Variants in ZNF131 observed in about 807,000 individuals in gnomAD.
The protein encoded by ZNF131 is zinc finger and BTB domain containing 35.
Under a neutral mutation model 60.0 loss-of-function variants are expected in ZNF131, and 7 were observed. The ratio of observed to expected loss-of-function variants is 0.12; its 90% CI spans 0.07 to 0.22. ZNF131 has a LOEUF of 0.22. Ranked by LOEUF, ZNF131 falls within the 10% of genes least tolerant of loss-of-function variation. The probability of loss-of-function intolerance (pLI) is 1.00; values close to 1 mark genes in which losing one functional copy is unlikely to be tolerated. For missense variants in ZNF131, 493 were observed against 740.9 expected (o/e 0.67, Z 3.88); for synonymous variants, 257 against 253.2 (o/e 1.01, Z -0.14).
rs575456904 is a variant in ZNF131 at position 43,170,751 on chromosome 5, G to C, written c.1055-2567G>C. ...AGGTTCAAGTGATTCTCCTGCCTCA[G>C]CCTCCCAAGTAGCTGGGACTACAGG... On this transcript the variant is annotated intron_variant, in intron 5 of 6. Coordinates refer to ENST00000682664, the MANE Select transcript of ZNF131 (RefSeq NM_001330707.2). Among the ~76,000 whole-genome samples, 18 of 149,650 alleles carry C rather than the reference G, an allele frequency of 1.2e-4. No individual in the cohort carries two copies. The South Asian group carries it at 2.1e-3, about 18-fold the overall frequency.
rs2112159027 is a variant in ZNF131, at chr5:43,175,963, A to C, written c.*830A>C. The C allele has an allele frequency of 6.6e-6, 1 of 152,448 alleles. No homozygotes were observed. The highest frequency in any genetic ancestry group is 1.9e-4 in the East Asian group (1 of 5,202). 9.4% of individuals were successfully genotyped at this position (152,448 alleles called of 1,614,324 possible). On this transcript the variant is annotated 3_prime_UTR_variant, in exon 7 of 7. Coordinates refer to ENST00000682664, the MANE Select transcript of ZNF131 (RefSeq NM_001330707.2). ...GAAAATTTATTTACATCTGTGGTAA[A>C]CTTTATTTTGATGAAAAGTTGCACT...
At chr5:43,171,428 T>C (rs1162254288) in intron 5 of ZNF131, among the ~76,000 whole-genome samples, 2 of 152,138 alleles carry the variant, frequency 1.3e-5, no homozygotes, top group African/African-American at 4.8e-5. Context: ...TAAAGAATCC[T>C]GTTATTGGCT....
At chr5:43,130,263 C>CAAAAAAAA (rs765959932) in intron 3 of ZNF131, among the ~76,000 whole-genome samples, 1,042 of 32,930 alleles carry the variant, frequency 0.032, 54 homozygotes, top group African/African-American at 0.046. Flanking sequence ...GACTCTGTCT[C>CAAAAAAAA]CAAAAAAAAA....
At chr5:43,173,594 G>A (rs992537723) in intron 6 of ZNF131, 146 bp downstream of exon 6, 16 of 1,102,190 alleles carry the variant, frequency 1.5e-5, no homozygotes, top group Non-Finnish European at 1.9e-5. Flanking sequence ...ATTGTCTTGG[G>A]GACTAAATTA....
intron 4 of ZNF131, among the ~76,000 whole-genome samples, chr5:43,158,830 T>C (rs1399022501): frequency 1.3e-5 from 2 of 149,918 alleles, no homozygotes; most frequent in Non-Finnish European, 3.0e-5. Flanking sequence ...TGCCTCATCC[T>C]TCCTTTTCCA....
At chr5:43,129,485 T>G (rs1745020524) in intron 3 of ZNF131, among the ~76,000 whole-genome samples, 1 of 152,166 alleles carries the variant, frequency 6.6e-6, no homozygotes, top group Non-Finnish European at 1.5e-5. Context: ...CTTCTCAACA[T>G]TCCAGATTTT....
intron 3 of ZNF131, chr5:43,125,094 G>GT (rs1349321830): frequency 6.6e-6 from 1 of 151,314 alleles, no homozygotes; most frequent in Non-Finnish European, 1.5e-5. Flanking sequence ...TACTATGTTA[G>GT]ACCCAGGAGA....
At position 43,134,809 on chromosome 5, in the gene ZNF131, T is replaced by C. The variant is rs1301217107; in HGVS notation, c.227-4356T>C. ...TCCGCCTCCTGGGTTCAAATGATTC[T>C]CCTGCCTCACCCTCCCGAGTAGCTG... On this transcript the variant is annotated intron_variant, in intron 3 of 6. Coordinates refer to ENST00000682664, the MANE Select transcript of ZNF131 (RefSeq NM_001330707.2). 2.0e-5 allele frequency among the ~76,000 whole-genome samples: 3 copies of C among 147,330 alleles called. No homozygotes were observed. The Admixed American group carries it at 2.1e-4, about 10-fold the overall frequency.
chr5:43,121,962 T>G (rs2112080113), intron 1 of ZNF131, 77 bp from the exon 2 acceptor site: 4 of 1,429,956 alleles, frequency 2.8e-6, no homozygotes, highest in East Asian at 2.5e-5. Context: ...GTTTTTTTTG[T>G]TGTTGTTTTA....
chr5:43,165,641 C>T (rs561955866), intron 5 of ZNF131, among the ~76,000 whole-genome samples: 3 of 152,172 alleles, frequency 2.0e-5, no homozygotes, highest in African/African-American at 7.2e-5. Context: ...TTTGTTCTTC[C>T]GTTTCTGTAG....
intron 4 of ZNF131, among the ~76,000 whole-genome samples, chr5:43,153,538 A>G (rs1748594051): frequency 1.3e-5 from 2 of 149,856 alleles, no homozygotes; most frequent in South Asian, 4.3e-4. Context: ...TCAGCTACTT[A>G]GGCTGAGGCA....
At chr5:43,137,286 A>G (rs1194444371) in intron 3 of ZNF131, among the ~76,000 whole-genome samples, 1 of 152,214 alleles carries the variant, frequency 6.6e-6, no homozygotes, top group Non-Finnish European at 1.5e-5. Flanking sequence ...AATGGGAGAA[A>G]GTATTTGCAG....
chr5:43,123,732 CAG>C (rs1561381234), intron 3 of ZNF131: 1 of 154,702 alleles, frequency 6.5e-6, no homozygotes, highest in African/African-American at 2.4e-5. Flanking sequence ...GATGTATTAG[CAG>C]AGGTACAGAT....
At chr5:43,129,527 TACTC>T (rs1227829391) in intron 3 of ZNF131, among the ~76,000 whole-genome samples, 1 of 152,200 alleles carries the variant, frequency 6.6e-6, no homozygotes, top group African/African-American at 2.4e-5. Context: ...AAAAACATAA[TACTC>T]ACAAATACTA....
At chr5:43,123,685 A>G (rs1744154628) in intron 3 of ZNF131, 1 of 168,626 alleles carries the variant, frequency 5.9e-6, no homozygotes, top group Non-Finnish European at 1.3e-5. Context: ...TGCAGGTTAC[A>G]GTAGAAGCTT....
chr5:43,159,508 A>G lies in ZNF131; in HGVS notation c.372-1741A>G, dbSNP rs145022093. On this transcript the variant is annotated intron_variant, in intron 4 of 6. Coordinates refer to ENST00000682664, the MANE Select transcript of ZNF131 (RefSeq NM_001330707.2). ...CAGTAGTTCAAGACCACCCTGGCCA[A>G]CATGGTGAGACCCCGTCTCTACTAA... Among the ~76,000 whole-genome samples the G allele has an allele frequency of 5.2e-3, 797 of 152,208 alleles. 3 individuals carry two copies. Among genetic ancestry groups the G allele is most frequent in the African/African-American group, 0.018 (766 of 41,534 alleles).
At chr5:43,125,379 G>A (rs1038013389) in intron 3 of ZNF131, among the ~76,000 whole-genome samples, 1 of 151,498 alleles carries the variant, frequency 6.6e-6, no homozygotes, top group South Asian at 2.1e-4. Flanking sequence ...GGCTGGTCTC[G>A]AATTCCCCAC....
At chr5:43,130,264 C>CAAAAAAAAAAAAAAAAAAAA (rs570313526) in intron 3 of ZNF131, among the ~76,000 whole-genome samples, 9 of 68,388 alleles carry the variant, frequency 1.3e-4, no homozygotes, top group African/African-American at 2.4e-4. Flanking sequence ...ACTCTGTCTC[C>CAAAAAAAAAAAAAAAAAAAA]AAAAAAAAAA....
At chr5:43,146,980 T>C (rs1747668645) in intron 4 of ZNF131, among the ~76,000 whole-genome samples, 1 of 152,192 alleles carries the variant, frequency 6.6e-6, no homozygotes, top group Non-Finnish European at 1.5e-5. Flanking sequence ...TTTATCATTC[T>C]AGAAGCTTGT....
Sources: allele counts gnomAD v4.1 joint callset (sites outside exome capture counted in the v4.1 genomes callset), GRCh38; gene constraint gnomAD v4.1.1; transcripts MANE v1.5; gene names NCBI Gene and HGNC (gene_info 2026-07-23, HGNC 2026-07-21).